The following FAT2 variants were observed in gnomAD, a reference collection of about 807,000 sequenced individuals.
FAT2 encodes the protein protocadherin Fat 2.
Under a neutral mutation model 295.3 loss-of-function variants are expected in FAT2, and 150 were observed. The observed-to-expected ratio is 0.51, with a 90% confidence interval of 0.44 to 0.58. The LOEUF (loss-of-function observed/expected upper bound fraction) is 0.58. FAT2 is among the 20% of genes least tolerant of loss of function. The pLI is 0.00. For synonymous variants in FAT2, 2,026 were observed against 2,150.3 expected (o/e 0.94, Z 1.60); for missense variants, 4,868 against 5,442.7 (o/e 0.89, Z 3.32).
intron 9 of FAT2, among the ~76,000 whole-genome samples, chr5:151,548,948 C>T (rs947434065): frequency 3.3e-5 from 5 of 152,186 alleles, no homozygotes; most frequent in Non-Finnish European, 7.3e-5. Context: ...CTATGCCATA[C>T]ACTTCATAAA....
intron 1 of FAT2, among the ~76,000 whole-genome samples, chr5:151,587,114 C>A (rs1198592504): frequency 6.6e-6 from 1 of 151,888 alleles, no homozygotes; most frequent in African/African-American, 2.4e-5. Context: ...TGCTCTCCAA[C>A]CTGGGCAACA....
At chr5:151,565,548 A>T in intron 2 of FAT2, 125 bp downstream of exon 2, 2 of 915,072 alleles carry the variant, frequency 2.2e-6, no homozygotes, top group Non-Finnish European at 3.2e-6. Flanking sequence ...AAGAATCCCT[A>T]TTTATTGCCT....
chr5:151,521,727 C>T lies in FAT2; in HGVS notation c.10866G>A (p.Val3622=), dbSNP rs1753480989. ...TAGVHVYVWH[V]GQEALQQAMW... ...TGGCCTGCTGCAGAGCCTCCTGCCC[C>T]ACATGCCACACGTACACATGGACCC... The change falls in exon 19 of 24, where the codon GTG becomes GTA. Residue 3622 remains valine, a synonymous_variant. Transcript: ENST00000261800. 1 of 1,613,892 alleles carries T rather than the reference C, an allele frequency of 6.2e-7. No homozygotes were observed. The highest frequency in any genetic ancestry group is 1.3e-5 in the African/African-American group (1 of 74,926).
chr5:151,519,846 T>C (rs1441085660), intron 19 of FAT2, among the ~76,000 whole-genome samples: 1 of 152,206 alleles, frequency 6.6e-6, no homozygotes, highest in Non-Finnish European at 1.5e-5. Flanking sequence ...ACCTGCTGCT[T>C]CAGAATTAAA....
intron 1 of FAT2, among the ~76,000 whole-genome samples, chr5:151,585,196 A>T (rs1354060414): frequency 2.0e-5 from 3 of 152,234 alleles, no homozygotes; most frequent in African/African-American, 7.2e-5. Flanking sequence ...TAGCCTGGCC[A>T]TCTGAATAAG....
intron 3 of FAT2, among the ~76,000 whole-genome samples, chr5:151,562,120 G>A (rs1225897607): frequency 6.6e-6 from 1 of 152,118 alleles, no homozygotes; most frequent in Non-Finnish European, 1.5e-5. Flanking sequence ...TAACAGGAAA[G>A]GTTGACAATA....
At chr5:151,562,315 C>T (rs1006876093) in intron 3 of FAT2, among the ~76,000 whole-genome samples, 97 of 152,248 alleles carry the variant, frequency 6.4e-4, no homozygotes, top group African/African-American at 2.0e-3. Context: ...TTGTTGGAGA[C>T]GGAAAACAGG....
At position 151,505,094 on chromosome 5, in the gene FAT2, G is replaced by C. The variant is rs548609526; in HGVS notation, c.*471C>G. On this transcript the variant is annotated 3_prime_UTR_variant, in exon 24 of 24. Coordinates refer to ENST00000261800, the MANE Select transcript of FAT2 (RefSeq NM_001447.3). ...CTCTCAGCCCCTAGGAGGATGCCAC[G>C]CAGCCCTCTAGAGCTCCTCTGTACG... 3 of 191,158 alleles carry C rather than the reference G, an allele frequency of 1.6e-5. No homozygotes were observed. Among genetic ancestry groups the C allele is most frequent in the Non-Finnish European group, 3.1e-5 (3 of 95,330 alleles). 11.8% of individuals were successfully genotyped at this position (191,158 alleles called of 1,614,324 possible).
chr5:151,510,304 C>T lies in FAT2; in HGVS notation c.11906-130G>A, dbSNP rs1761221822. ...ATTTATTTGGTTGCTCCCCTCTGTG[C>T]CCAATACCGTGCTGGGCATTGGTGC... On this transcript the variant is annotated intron_variant, in intron 21 of 23. Coordinates refer to ENST00000261800, the MANE Select transcript of FAT2 (RefSeq NM_001447.3). The T allele has an allele frequency of 4.6e-6, 5 of 1,086,384 alleles. No homozygotes were observed. In the South Asian group the frequency reaches 5.9e-5, roughly 13 times the overall value. The allele number at this position is 1,086,384 out of a possible 1,614,324, so 67.3% of individuals were successfully genotyped here. A position where few individuals can be genotyped will look rare whatever the true frequency, so the allele number is the denominator to read the frequency against.
intron 11 of FAT2, among the ~76,000 whole-genome samples, chr5:151,538,930 C>A (rs567207907): frequency 3.3e-5 from 5 of 151,986 alleles, no homozygotes; most frequent in Non-Finnish European, 7.4e-5. Context: ...AGGTGATCCG[C>A]CTGCCTCGGC....
chr5:151,528,153 T>C lies in FAT2; in HGVS notation c.10027-20A>G. On this transcript the variant is annotated intron_variant, in intron 15 of 23. Transcript: ENST00000261800. ...TGATACCTGCGGTGGGGTAGGGGGA[T>C]TGTGAATGGAGGGACAGGAATCTTG... 5 of 1,611,572 alleles carry C rather than the reference T, an allele frequency of 3.1e-6. No individual in the cohort carries two copies. Among genetic ancestry groups the C allele is most frequent in the Non-Finnish European group, 4.2e-6 (5 of 1,178,316 alleles).
In FAT2 at chr5:151,505,739, G is replaced by A. The variant is rs545506007; in HGVS notation, c.12876C>T (p.Asp4292=). 1.4e-5 allele frequency: 22 copies of A among 1,613,514 alleles called. No homozygotes were observed. The highest frequency in any genetic ancestry group is 1.3e-4 in the East Asian group (6 of 44,868). The change falls in exon 24 of 24, where the codon GAC becomes GAT. Residue 4292 remains aspartate (D), a synonymous_variant. Coordinates refer to ENST00000261800, the MANE Select transcript of FAT2 (RefSeq NM_001447.3). ...RQGGGGPCLA[D]GGYKGVGMRL... ...GCATACCCACCCCCTTGTAGCCCCC[G>A]TCTGCCAGGCAGGGCCCTCCCCCTC...
intron 12 of FAT2, among the ~76,000 whole-genome samples, chr5:151,537,321 GA>G (rs759472487): frequency 5.0e-3 from 112 of 22,538 alleles, no homozygotes; most frequent in Admixed American, 0.014. Flanking sequence ...AAAAGAAAGA[GA>G]AAAAAAGAAA....
Position 151,544,537 on chromosome 5 carries a change from C to T in FAT2, c.6590G>A (p.Ser2197Asn). The T allele has an allele frequency of 6.2e-7, 1 of 1,614,044 alleles. No individual in the cohort carries two copies. Among genetic ancestry groups the T allele is most frequent in the Non-Finnish European group, 8.5e-7 (1 of 1,179,994 alleles). ...GTAGATGAGCCGGAGTCCCTCTGGACTCCGGGCCTGGGTGTGGAGAATTGG... is the reference window on the plus strand; with the variant it reads ...GTAGATGAGCCGGAGTCCCTCTGGATTCCGGGCCTGGGTGTGGAGAATTGG... Reference protein sequence around the residue: ...YTPILHTQARSPEGLRLIYNI... With the variant: ...YTPILHTQARNPEGLRLIYNI... Residue 2197 changes from serine (S) to asparagine (N), a missense_variant, in exon 10 of 24, where the codon AGT (serine) becomes AAT (asparagine). By Grantham distance (46) the Ser-to-Asn change is conservative. Around this residue, in one of 5 missense-constraint regions of FAT2, gnomAD observed 3,297 missense variants for 3,669.4 expected, o/e 0.90. Coordinates refer to ENST00000261800, the MANE Select transcript of FAT2 (RefSeq NM_001447.3).
At chr5:151,571,725 G>A (rs1052231922) in intron 1 of FAT2, among the ~76,000 whole-genome samples, 5 of 152,208 alleles carry the variant, frequency 3.3e-5, no homozygotes, top group South Asian at 2.1e-4. Flanking sequence ...CTTGCAGGGC[G>A]CAGAAGCATG....
Position 151,565,982 on chromosome 5 carries a change from C to T in FAT2, c.2950G>A (p.Glu984Lys), listed in dbSNP as rs1758240916. 1 of 1,614,070 alleles carries T rather than the reference C, an allele frequency of 6.2e-7. No homozygotes were observed. The highest frequency in any genetic ancestry group is 8.5e-7 in the Non-Finnish European group (1 of 1,180,020). The change falls in exon 2 of 24, where the codon GAG becomes AAG. Residue 984 changes from glutamate (E) to lysine (K), a missense_variant. Glu to Lys is a moderately conservative substitution (Grantham distance 56). This residue lies in a region of FAT2 where 3,297 missense variants were observed against 3,669.4 expected (regional missense o/e 0.90). Coordinates refer to ENST00000261800, the MANE Select transcript of FAT2 (RefSeq NM_001447.3). ...VDLMTGALIL[E>K]RELDFERRAG... ...CGCCTCTCAAAGTCCAGCTCTCTCT[C>T]CAGAATGAGCGCCCCTGTCATCAGG...
In FAT2 at chr5:151,529,473, A is replaced by C. The variant is rs1003773797; in HGVS notation, c.9812-81T>G. On this transcript the variant is annotated intron_variant, in intron 14 of 23. Coordinates refer to ENST00000261800, the MANE Select transcript of FAT2 (RefSeq NM_001447.3). ...GGACTGAGGGTCTGAGCCCAGCCCT[A>C]GGAGAGGCAGCTCAACAGGGCTAGG... 2.5e-6 allele frequency: 3 copies of C among 1,213,084 alleles called. No homozygotes were observed. In the Admixed American group the frequency reaches 5.4e-5, roughly 22 times the overall value. 75.1% of individuals were successfully genotyped at this position (1,213,084 alleles called of 1,614,324 possible).
chr5:151,593,082 G>A (rs141724596), upstream of FAT2, among the ~76,000 whole-genome samples: 11 of 152,286 alleles, frequency 7.2e-5, no homozygotes, highest in East Asian at 3.9e-4. Flanking sequence ...AGCTGCCTCC[G>A]CCCCGGATGA....
rs750726924 is a variant in FAT2, at chr5:151,568,743, C to T, written c.189G>A (p.Ala63=). The change falls in exon 2 of 24, where the codon GCG becomes GCA. Residue 63 remains alanine, a synonymous_variant. Coordinates refer to ENST00000261800, the MANE Select transcript of FAT2 (RefSeq NM_001447.3). ...ESFEKMGIYL[A]EPQWAVRYRI... is the part of the protein sequence containing the mutation. ...GGTACCTCACTGCCCACTGTGGCTC[C>T]GCGAGGTAGATGCCCATTTTCTCGA... The T allele has an allele frequency of 1.2e-5, 20 of 1,614,128 alleles. No individual in the cohort carries two copies. The highest frequency in any genetic ancestry group is 1.1e-4 in the South Asian group (10 of 91,068).
Sources: allele counts gnomAD v4.1 joint callset (sites outside exome capture counted in the v4.1 genomes callset), GRCh38; gene constraint gnomAD v4.1.1; regional missense constraint gnomAD v4.1.1; transcripts MANE v1.5; gene names NCBI Gene and HGNC (gene_info 2026-07-23, HGNC 2026-07-21).